The following TNC variants were observed in gnomAD, a reference collection of about 807,000 sequenced individuals.
TNC encodes the protein tenascin C, also known as tenascin.
In TNC, 109 loss-of-function variants were observed where a neutral mutation model predicts 202.4. That is an observed-to-expected ratio of 0.54 (90% confidence interval 0.46 to 0.63). TNC has a LOEUF of 0.63. TNC is among the 30% of genes least tolerant of loss of function. The pLI is 0.00. For synonymous variants in TNC, 1,007 were observed against 1,089.7 expected, an observed-to-expected ratio of 0.92 and a Z score of 1.50; for missense variants, 2,756 against 2,833.3, an observed-to-expected ratio of 0.97 and a Z score of 0.62.
intron 22 of TNC, among the ~76,000 whole-genome samples, chr9:115,033,524 G>A (rs1217142628): frequency 6.6e-6 from 1 of 152,204 alleles, no homozygotes; most frequent in Non-Finnish European, 1.5e-5. Flanking sequence ...AGACCTTAAA[G>A]ATGGATAAGT....
rs1028976347 is a variant in TNC at position 115,086,652 on chromosome 9, T to C, written c.1079A>G (p.Gln360Arg). 6.2e-6 allele frequency: 10 copies of C among 1,614,168 alleles called. No individual in the cohort carries two copies. The Admixed American group carries it at 1.7e-4, about 27-fold the overall frequency. ...CHTQGRCEEG[Q>R]CVCDEGFAGV... ...GGCAAAGCCCTCATCACATACACAC[T>C]GCCCCTCCTCACACCGGCCCTGGGT... The change falls in exon 3 of 28, where the codon CAG becomes CGG. Residue 360 changes from glutamine (Q) to arginine (R), a missense_variant. Around this residue, in one of 2 missense-constraint regions of TNC, gnomAD observed 2,559 missense variants for 2,546.0 expected, o/e 1.01. Coordinates refer to ENST00000350763, the MANE Select transcript of TNC (RefSeq NM_002160.4).
chr9:115,081,720 T>C, intron 6 of TNC, 52 bp downstream of exon 6: 2 of 1,601,802 alleles, frequency 1.2e-6, no homozygotes, highest in Non-Finnish European at 8.5e-7. Context: ...CAGGAGGTGC[T>C]ATGAGGTACA....
intron 13 of TNC, among the ~76,000 whole-genome samples, chr9:115,062,608 CAAAAA>C (rs11323889): frequency 3.5e-5 from 4 of 114,446 alleles, no homozygotes; most frequent in Non-Finnish European, 7.4e-5. Context: ...GACCCTGACT[CAAAAA>C]AAAAAAAAAA....
rs547279797 is a variant in TNC, at chr9:115,082,887, A to G, written c.2132-80T>C. The G allele has an allele frequency of 2.2e-4, 202 of 935,488 alleles. 2 individuals carry two copies. In the East Asian group the frequency reaches 4.7e-3, roughly 22 times the overall value. The allele number at this position is 935,488 out of a possible 1,614,324, so 57.9% of individuals were successfully genotyped here. A position where few individuals can be genotyped will look rare whatever the true frequency, so the allele number is the denominator to read the frequency against. The stretch of plus-strand genomic sequence containing the variant: ...AACGCGGCCACGATTCCACTAAACC[A>G]GACTGGATGTCTGCAACAGTCAGGG... On this transcript the variant is annotated intron_variant, in intron 4 of 27. Coordinates refer to ENST00000350763, the MANE Select transcript of TNC (RefSeq NM_002160.4).
At position 115,090,643 on chromosome 9, in the gene TNC, G is replaced by T. The variant is rs755695211; in HGVS notation, c.376C>A (p.Leu126Met). 1.2e-6 allele frequency: 2 copies of T among 1,613,112 alleles called. No individual in the cohort carries two copies. The highest frequency in any genetic ancestry group is 1.7e-6 in the Non-Finnish European group (2 of 1,179,332). Reference protein sequence around the residue: ...APDVKELLSRLEELENLVSSL... With the variant: ...APDVKELLSRMEELENLVSSL... The stretch of plus-strand genomic sequence containing the variant: ...GACACCAGGTTCTCCAGCTCCTCCA[G>T]TCTGCTCAGCAGCTCCTTAACATCA... Residue 126 changes from leucine to methionine, a missense_variant, in exon 2 of 28, where the codon CTG (leucine) becomes ATG (methionine). Coordinates refer to ENST00000350763, the MANE Select transcript of TNC (RefSeq NM_002160.4).
intron 27 of TNC, 108 bp from the exon 28 acceptor site, chr9:115,021,375 A>T (rs1829057624): frequency 1.4e-6 from 1 of 727,316 alleles, no homozygotes; most frequent in Non-Finnish European, 2.3e-6. Flanking sequence ...TTCAAACTAA[A>T]TGAGTTCTGT....
chr9:115,092,215 T>C (rs1360768164), intron 1 of TNC, among the ~76,000 whole-genome samples: 1 of 152,130 alleles, frequency 6.6e-6, no homozygotes, highest in African/African-American at 2.4e-5. Flanking sequence ...GCATAGCTTA[T>C]GGGAAAGGGA....
At chr9:115,065,424 C>T (rs1295830901) in intron 10 of TNC, among the ~76,000 whole-genome samples, 1 of 152,074 alleles carries the variant, frequency 6.6e-6, no homozygotes, top group Non-Finnish European at 1.5e-5. Flanking sequence ...ATTTCTTTTG[C>T]CTTCATGCAT....
intron 17 of TNC, among the ~76,000 whole-genome samples, chr9:115,045,455 C>A (rs1190586359): frequency 1.3e-5 from 2 of 152,092 alleles, no homozygotes; most frequent in Non-Finnish European, 2.9e-5. Flanking sequence ...CAGCCTTAAC[C>A]TCCTGGGCTC....
At chr9:115,023,197 C>T (rs931566738) in intron 27 of TNC, among the ~76,000 whole-genome samples, 3 of 152,130 alleles carry the variant, frequency 2.0e-5, no homozygotes, top group South Asian at 2.1e-4. Context: ...CAGGGATCAG[C>T]GTGGTGTGGC....
intron 1 of TNC, among the ~76,000 whole-genome samples, chr9:115,098,818 T>C (rs1835989539): frequency 6.6e-6 from 1 of 152,182 alleles, no homozygotes; most frequent in Non-Finnish European, 1.5e-5. Flanking sequence ...TAGAGTTGCT[T>C]ACATGGGCGT....
At chr9:115,071,839 T>C (rs1292260801) in intron 10 of TNC, among the ~76,000 whole-genome samples, 7 of 152,226 alleles carry the variant, frequency 4.6e-5, no homozygotes, top group Non-Finnish European at 8.8e-5. Flanking sequence ...CAAGCTCATG[T>C]TTATAAAGCT....
intron 6 of TNC, among the ~76,000 whole-genome samples, chr9:115,080,463 GA>G (rs1834219888): frequency 6.6e-6 from 1 of 152,142 alleles, no homozygotes; most frequent in Admixed American, 6.6e-5. Context: ...TTAAATGCAA[GA>G]TGTTCTTTCT....
chr9:115,113,936 G>T (rs1837266142), intron 1 of TNC, among the ~76,000 whole-genome samples: 1 of 152,158 alleles, frequency 6.6e-6, no homozygotes, highest in Non-Finnish European at 1.5e-5. Flanking sequence ...AGGGAAAGGA[G>T]TTTAGGCTTA....
intron 25 of TNC, among the ~76,000 whole-genome samples, chr9:115,026,903 G>T (rs904774224): frequency 2.0e-5 from 3 of 152,116 alleles, no homozygotes; most frequent in Admixed American, 2.0e-4. Flanking sequence ...GAGGTCAGGA[G>T]TTCGTTATCA....
At chr9:115,046,297 G>C (rs1831189348) in intron 17 of TNC, 113 bp downstream of exon 17, 1 of 1,254,652 alleles carries the variant, frequency 8.0e-7, no homozygotes, top group South Asian at 1.4e-5. Flanking sequence ...GAAAGAGTCA[G>C]GATCAGAGCG....
Position 115,023,378 on chromosome 9 carries a change from G to A in TNC, c.6495+595C>T, listed in dbSNP as rs114095430. On this transcript the variant is annotated intron_variant, in intron 27 of 27. Coordinates refer to ENST00000350763, the MANE Select transcript of TNC (RefSeq NM_002160.4). Reference sequence around the variant, plus strand: ...TAAGGGAGATTACTGAATTTGATCCGTTCGCCTATTTCTAAAAGGGATCGA... The same window carrying A: ...TAAGGGAGATTACTGAATTTGATCCATTCGCCTATTTCTAAAAGGGATCGA... Among the ~76,000 whole-genome samples the A allele has an allele frequency of 3.0e-3, 464 of 152,260 alleles. 3 individuals carry two copies. Among genetic ancestry groups the A allele is most frequent in the African/African-American group, 7.9e-3 (327 of 41,550 alleles).
intron 9 of TNC, 94 bp downstream of exon 9, chr9:115,075,938 T>G (rs1833811842): frequency 2.7e-6 from 3 of 1,119,764 alleles, no homozygotes; most frequent in Non-Finnish European, 4.1e-6. Context: ...TCCAGGCTTC[T>G]ACTTTTTCTC....
At chr9:115,104,550 G>T (rs184558045) in intron 1 of TNC, among the ~76,000 whole-genome samples, 1 of 152,278 alleles carries the variant, frequency 6.6e-6, no homozygotes, top group African/African-American at 2.4e-5. Context: ...CTTGGACAAC[G>T]TCCTATACCT....
Sources: allele counts gnomAD v4.1 joint callset (sites outside exome capture counted in the v4.1 genomes callset), GRCh38; gene constraint gnomAD v4.1.1; regional missense constraint gnomAD v4.1.1; transcripts MANE v1.5; gene names NCBI Gene and HGNC (gene_info 2026-07-23, HGNC 2026-07-21).